Variants in GFRA2 observed in about 807,000 individuals in gnomAD.
GFRA2 encodes the protein GDNF family receptor alpha 2, also known as GDNF family receptor alpha-2.
In GFRA2, 17 loss-of-function variants were observed where a neutral mutation model predicts 48.3. That is an observed-to-expected ratio of 0.35 (90% CI 0.24 to 0.53). The LOEUF (loss-of-function observed/expected upper bound fraction) is 0.53, where lower values mean the gene tolerates loss of function less well. GFRA2 is among the 20% of genes least tolerant of loss of function. GFRA2 has a pLI of 0.93. For synonymous variants in GFRA2, 305 were observed against 257.2 expected, an observed-to-expected ratio of 1.19 and a Z score of -1.78; for missense variants, 660 against 637.3, an observed-to-expected ratio of 1.04 and a Z score of -0.38.
chr8:21,776,530 C>T (rs1483271333), intron 2 of GFRA2, among the ~76,000 whole-genome samples: 1 of 150,110 alleles, frequency 6.7e-6, no homozygotes, highest in East Asian at 2.0e-4. Context: ...TACAGTGGCA[C>T]GATCTTGGCT....
intron 4 of GFRA2, among the ~76,000 whole-genome samples, chr8:21,746,408 G>A (rs1805008535): frequency 6.6e-6 from 1 of 152,136 alleles, no homozygotes; most frequent in South Asian, 2.1e-4. Flanking sequence ...GCATGCAGAT[G>A]GGTGTGTTGG....
chr8:21,786,367 G>A (rs1274495828), intron 1 of GFRA2, among the ~76,000 whole-genome samples: 1 of 152,274 alleles, frequency 6.6e-6, no homozygotes, highest in Non-Finnish European at 1.5e-5. Context: ...TGGGAGCCCT[G>A]CCCATGCTGG....
chr8:21,744,718 A>G (rs565188812), intron 4 of GFRA2, among the ~76,000 whole-genome samples: 1 of 152,320 alleles, frequency 6.6e-6, no homozygotes, highest in African/African-American at 2.4e-5. Context: ...ATGCATTCCA[A>G]GAAGTTCTCC....
At chr8:21,781,284 C>T (rs1404520942) in intron 2 of GFRA2, among the ~76,000 whole-genome samples, 1 of 152,054 alleles carries the variant, frequency 6.6e-6, no homozygotes, top group Non-Finnish European at 1.5e-5. Flanking sequence ...CCCTTAAAAC[C>T]CTTCAGGGAT....
intron 2 of GFRA2, among the ~76,000 whole-genome samples, chr8:21,775,700 G>C (rs1407567169): frequency 1.3e-5 from 2 of 152,318 alleles, no homozygotes; most frequent in African/African-American, 2.4e-5. Context: ...CTGCTCAGTG[G>C]GTGGGCTGAT....
intron 3 of GFRA2, among the ~76,000 whole-genome samples, chr8:21,758,911 C>T (rs1047589843): frequency 1.3e-5 from 2 of 152,166 alleles, no homozygotes; most frequent in African/African-American, 2.4e-5. Context: ...CACACGAAGA[C>T]ACCCAACCAT....
chr8:21,714,474 C>A (rs1803235414), intron 4 of GFRA2, among the ~76,000 whole-genome samples: 1 of 151,862 alleles, frequency 6.6e-6, no homozygotes. Context: ...GGGTCTCAAA[C>A]TCCTGGCTTC....
chr8:21,700,763 G>A (rs1378092374), intron 7 of GFRA2, among the ~76,000 whole-genome samples: 1 of 152,146 alleles, frequency 6.6e-6, no homozygotes, highest in Non-Finnish European at 1.5e-5. Context: ...GGAGGACAGA[G>A]ATCAGCAAAA....
chr8:21,698,508 T>C (rs1802320166), intron 7 of GFRA2, among the ~76,000 whole-genome samples: 1 of 152,104 alleles, frequency 6.6e-6, no homozygotes, highest in Admixed American at 6.5e-5. Flanking sequence ...GCCCAGGCGC[T>C]AGTCTAGTGT....
At chr8:21,776,312 C>T (rs1160826441) in intron 2 of GFRA2, among the ~76,000 whole-genome samples, 2 of 152,000 alleles carry the variant, frequency 1.3e-5, no homozygotes, top group Non-Finnish European at 2.9e-5. Context: ...AGAAATGGGG[C>T]AGCCCCAGAG....
At chr8:21,741,315 C>T (rs1204629912) in intron 4 of GFRA2, among the ~76,000 whole-genome samples, 2 of 152,200 alleles carry the variant, frequency 1.3e-5, no homozygotes, top group Non-Finnish European at 2.9e-5. Flanking sequence ...GCCCTCTGCA[C>T]GTGATGCTCT....
At chr8:21,757,676 T>C (rs1329527937) in intron 3 of GFRA2, among the ~76,000 whole-genome samples, 1 of 151,960 alleles carries the variant, frequency 6.6e-6, no homozygotes, top group African/African-American at 2.4e-5. Flanking sequence ...TTTTTTGTAT[T>C]TTTTTTAGTA....
chr8:21,809,623 G>A lies in GFRA2; in HGVS notation c.-148+2608C>T, dbSNP rs182286335. 1.4e-4 allele frequency among the ~76,000 whole-genome samples: 21 copies of A among 152,198 alleles called. No homozygotes were observed. In the East Asian group the frequency reaches 1.9e-3, roughly 14 times the overall value. On this transcript the variant is annotated intron_variant, in intron 1 of 10. Coordinates refer to the GFRA2 transcript ENST00000517328. ...ATTACAGGCGTGAGCCACCGCGCCC[G>A]GCCAACAATTTGTATCTGAATGATT...
At position 21,702,834 on chromosome 8, in the gene GFRA2, T is replaced by C; in HGVS notation, c.1189A>G (p.Ser397Gly). 1 of 1,609,616 alleles carries C rather than the reference T, an allele frequency of 6.2e-7. No homozygotes were observed. The highest frequency in any genetic ancestry group is 8.5e-7 in the Non-Finnish European group (1 of 1,177,740). The change falls in exon 7 of 9, where the codon AGT (serine) becomes GGT (glycine). Residue 397 changes from serine to glycine, a missense_variant. Ser to Gly is a moderately conservative substitution (Grantham distance 56). Coordinates refer to ENST00000524240, the MANE Select transcript of GFRA2 (RefSeq NM_001495.5). Reference sequence around the variant, plus strand: ...ACAGACGTGCAGGTGGTGATGACACTGGTCCCCAAGCTGGTACTGTCACTG... The same window carrying C: ...ACAGACGTGCAGGTGGTGATGACACCGGTCCCCAAGCTGGTACTGTCACTG... ...DLSDSTSLGTSVITTCTSVQE... is the reference protein window; with the variant it reads ...DLSDSTSLGTGVITTCTSVQE...
At chr8:21,782,054 C>A (rs1204618768) in intron 2 of GFRA2, among the ~76,000 whole-genome samples, 9 of 152,148 alleles carry the variant, frequency 5.9e-5, no homozygotes, top group Admixed American at 2.0e-4. Context: ...AGAGTAGGGG[C>A]AGCCAGCTCT....
chr8:21,797,548 T>A (rs1223782998), intron 2 of GFRA2: 2 of 152,216 alleles, frequency 1.3e-5, no homozygotes, highest in African/African-American at 4.8e-5. Context: ...TCACTCACAG[T>A]GGTCACCTAT....
At chr8:21,698,823 G>T (rs953458799) in intron 7 of GFRA2, among the ~76,000 whole-genome samples, 1 of 151,706 alleles carries the variant, frequency 6.6e-6, no homozygotes, top group Non-Finnish European at 1.5e-5. Context: ...CCCCCACTCA[G>T]CACTCTGTGC....
intron 7 of GFRA2, among the ~76,000 whole-genome samples, chr8:21,697,423 C>T (rs1453848219): frequency 1.3e-5 from 2 of 152,016 alleles, no homozygotes; most frequent in African/African-American, 4.8e-5. Context: ...CTCCCTGGGC[C>T]ATCCCAAGGG....
chr8:21,730,117 T>A (rs1804109478), intron 4 of GFRA2, among the ~76,000 whole-genome samples: 1 of 151,960 alleles, frequency 6.6e-6, no homozygotes, highest in Non-Finnish European at 1.5e-5. Flanking sequence ...AGAAACCAGG[T>A]CACCCGGCCA....
Sources: allele counts gnomAD v4.1 joint callset (sites outside exome capture counted in the v4.1 genomes callset), GRCh38; gene constraint gnomAD v4.1.1; transcripts MANE v1.5; gene names NCBI Gene and HGNC (gene_info 2026-07-23, HGNC 2026-07-21).